TPO: variants seen among roughly 807,000 people sequenced by gnomAD.
The protein encoded by TPO is thyroid microsomal antigen.
TPO carries 78 observed loss-of-function variants against 96.9 expected under a neutral mutation model. That is an observed-to-expected ratio of 0.81 (90% confidence interval 0.67 to 0.97). The LOEUF is 0.97. TPO is among the 50% of genes least tolerant of loss of function. The probability of loss-of-function intolerance (pLI) is 0.00; values close to 1 mark genes in which losing one functional copy is unlikely to be tolerated. For missense variants in TPO, 1,252 were observed against 1,274.8 expected (o/e 0.98, Z 0.27); for synonymous variants, 547 against 538.0 (o/e 1.02, Z -0.23).
At chr2:1,439,984 C>G (rs142940000) in intron 5 of TPO, among the ~76,000 whole-genome samples, 2 of 152,238 alleles carry the variant, frequency 1.3e-5, no homozygotes, top group East Asian at 1.9e-4. Flanking sequence ...TAAGTTCCCC[C>G]CCAGCGGTCT....
intron 14 of TPO, among the ~76,000 whole-genome samples, chr2:1,507,384 T>C (rs1233924422): frequency 6.6e-6 from 1 of 152,208 alleles, no homozygotes; most frequent in Non-Finnish European, 1.5e-5. Flanking sequence ...TTTGGTTCCA[T>C]ATGAACTTTA....
chr2:1,513,640 A>G, intron 14 of TPO: 1 of 152,244 alleles, frequency 6.6e-6, no homozygotes, highest in East Asian at 1.9e-4. Context: ...AGAGACATCC[A>G]TAGAGACACA....
At chr2:1,526,696 C>CT (rs1553335821) in intron 15 of TPO, among the ~76,000 whole-genome samples, 1,276 of 71,332 alleles carry the variant, frequency 0.018, 53 homozygotes, top group Admixed American at 0.064. Context: ...AATCCCCCCC[C>CT]CACTGTATGC....
intron 12 of TPO, 148 bp downstream of exon 12, chr2:1,496,345 C>T (rs562299840): frequency 7.1e-5 from 28 of 396,510 alleles, no homozygotes; most frequent in South Asian, 1.8e-4. Context: ...GCTCCTGGGG[C>T]GGGGCGGGGC....
chr2:1,525,301 A>C (rs1676179358), intron 15 of TPO, among the ~76,000 whole-genome samples: 1 of 102,326 alleles, frequency 9.8e-6, no homozygotes, highest in Non-Finnish European at 2.1e-5. Context: ...AACCTCCTCA[A>C]ATCCCCCCCA....
At chr2:1,436,217 C>G in intron 4 of TPO, 35 bp from the exon 5 acceptor site, 1 of 1,614,048 alleles carries the variant, frequency 6.2e-7, no homozygotes. Context: ...TTTGTGGTTA[C>G]AAGCACAGAA....
Position 1,496,732 on chromosome 2 carries a change from G to A in TPO, c.2353G>A (p.Glu785Lys). The A allele has an allele frequency of 2.5e-6, 4 of 1,614,170 alleles. No individual in the cohort carries two copies. Among genetic ancestry groups the A allele is most frequent in the African/African-American group, 1.3e-5 (1 of 75,054 alleles). Residue 785 changes from glutamate to lysine, a missense_variant, in exon 13 of 17, where the codon GAA (glutamate) becomes AAA (lysine). Coordinates refer to ENST00000329066, the MANE Select transcript of TPO (RefSeq NM_001206744.2). ...CCGGGAGCAGCTCACTTGCACCCAG[G>A]AAGGATGGGATTTCCAGCCTCCCCT... ...QGREQLTCTQ[E>K]GWDFQPPLCK...
At chr2:1,501,156 C>T (rs940653016) in intron 13 of TPO, among the ~76,000 whole-genome samples, 3 of 151,060 alleles carry the variant, frequency 2.0e-5, no homozygotes, top group African/African-American at 7.3e-5. Flanking sequence ...ATACAGTTCG[C>T]AACCAGTACT....
At chr2:1,525,799 C>T (rs544867320) in intron 15 of TPO, among the ~76,000 whole-genome samples, 1 of 146,368 alleles carries the variant, frequency 6.8e-6, no homozygotes, top group Non-Finnish European at 1.5e-5. Context: ...GCAACCTCAC[C>T]AAATTTCCCC....
intron 13 of TPO, among the ~76,000 whole-genome samples, chr2:1,501,155 G>A (rs932258872): frequency 2.6e-5 from 4 of 151,088 alleles, no homozygotes; most frequent in African/African-American, 7.2e-5. Flanking sequence ...AATACAGTTC[G>A]CAACCAGTAC....
chr2:1,508,548 T>C (rs943265006), intron 14 of TPO, among the ~76,000 whole-genome samples: 1 of 152,208 alleles, frequency 6.6e-6, no homozygotes, highest in African/African-American at 2.4e-5. Context: ...TATTGATTAT[T>C]GCCTCAATTT....
chr2:1,523,157 C>CCG, intron 15 of TPO, among the ~76,000 whole-genome samples: 1 of 142,758 alleles, frequency 7.0e-6, no homozygotes, highest in African/African-American at 2.6e-5. Flanking sequence ...CTCCCAAAAT[C>CCG]CCCCACACTG....
upstream of TPO, among the ~76,000 whole-genome samples, chr2:1,409,011 C>T (rs368507597): frequency 9.9e-5 from 15 of 152,180 alleles, no homozygotes; most frequent in East Asian, 5.8e-4. Flanking sequence ...TGTTTTACAT[C>T]CTTAGCTTGT....
chr2:1,540,608 C>G lies in TPO; in HGVS notation c.2633C>G (p.Thr878Ser). Reference protein sequence around the residue: ...TVICRWTRTGTKSTLPISETG... With the variant: ...TVICRWTRTGSKSTLPISETG... The stretch of plus-strand genomic sequence containing the variant: ...GTCTCCCACAGGACACGCACTGGCA[C>G]TAAATCCACACTGCCCATCTCGGAG... Residue 878 changes from threonine (T) to serine (S), a missense_variant, in exon 16 of 17, where the codon ACT becomes AGT. Coordinates refer to ENST00000329066, the MANE Select transcript of TPO (RefSeq NM_001206744.2). 4 of 1,613,610 alleles carry G rather than the reference C, an allele frequency of 2.5e-6. No individual in the cohort carries two copies. The highest frequency in any genetic ancestry group is 3.4e-6 in the Non-Finnish European group (4 of 1,180,046).
intron 1 of TPO, among the ~76,000 whole-genome samples, chr2:1,398,781 C>T (rs1292764661): frequency 6.6e-6 from 1 of 152,170 alleles, no homozygotes; most frequent in Non-Finnish European, 1.5e-5. Context: ...GCTCTCCTTG[C>T]AGCCCAGCTG....
intron 1 of TPO, among the ~76,000 whole-genome samples, chr2:1,388,152 G>A (rs911991427): frequency 2.0e-5 from 3 of 152,228 alleles, no homozygotes; most frequent in African/African-American, 7.2e-5. Context: ...GGCTACTTGG[G>A]GGTTAGGGAC....
At chr2:1,485,138 A>T (rs1477470708) in intron 9 of TPO, among the ~76,000 whole-genome samples, 1 of 150,360 alleles carries the variant, frequency 6.7e-6, no homozygotes, top group South Asian at 2.1e-4. Flanking sequence ...CCCACCTATG[A>T]GTGAGAACAT....
chr2:1,531,192 T>A (rs1573604058), intron 15 of TPO, among the ~76,000 whole-genome samples: 2 of 80,418 alleles, frequency 2.5e-5, no homozygotes, highest in African/African-American at 5.6e-5. Context: ...CCTCCCCAAA[T>A]CCCCACACTG....
intron 1 of TPO, among the ~76,000 whole-genome samples, chr2:1,391,656 G>A (rs1662002168): frequency 1.3e-5 from 2 of 152,200 alleles, no homozygotes; most frequent in Non-Finnish European, 2.9e-5. Context: ...AGCATGGAAT[G>A]TTCTTCCATT....
Sources: gnomAD v4.1 joint callset for allele counts (sites outside exome capture counted in the v4.1 genomes callset) on GRCh38, gnomAD v4.1.1 for gene constraint, MANE v1.5 for transcripts, NCBI Gene and HGNC (gene_info 2026-07-23, HGNC 2026-07-21) for gene names.